Variants in ENOX1 observed in about 807,000 individuals in gnomAD.
The protein encoded by ENOX1 is candidate growth-related and time keeping constitutive hydroquinone (NADH) oxidase.
ENOX1 carries 42 observed loss-of-function variants against 82.5 expected under a neutral mutation model. That is an observed-to-expected ratio of 0.51 (90% CI 0.40 to 0.66). The LOEUF is 0.66. Ranked by LOEUF, ENOX1 falls within the 30% of genes least tolerant of loss-of-function variation. The pLI, the probability that ENOX1 is intolerant of heterozygous loss-of-function variation, is 0.00. For synonymous variants in ENOX1, 271 were observed against 282.2 expected, an observed-to-expected ratio of 0.96 and a Z score of 0.40; for missense variants, 608 against 811.6, an observed-to-expected ratio of 0.75 and a Z score of 3.05.
chr13:43,500,558 G>A (rs572230374), intron 2 of ENOX1, among the ~76,000 whole-genome samples: 30 of 152,004 alleles, frequency 2.0e-4, no homozygotes, highest in Non-Finnish European at 3.4e-4. Flanking sequence ...TGTCAACACT[G>A]GGTCCTCCTT....
In ENOX1 at chr13:43,786,879, G is replaced by C. The variant is rs557458537; in HGVS notation, c.-512C>G. The C allele has an allele frequency of 1.3e-5, 2 of 152,076 alleles. No homozygotes were observed. Among genetic ancestry groups the C allele is most frequent in the East Asian group, 4.0e-4 (2 of 5,048 alleles). The allele number at this position is 152,076 out of a possible 1,614,324, so 9.4% of individuals were successfully genotyped here. ...CCGTGGCGGCTGGAAGCCTGTGTGA[G>C]TAGCGGCGCCCGGGAGAGCGGGGAT... On this transcript the variant is annotated 5_prime_UTR_variant, in exon 1 of 17. Coordinates refer to ENST00000690772, the MANE Select transcript of ENOX1 (RefSeq NM_001347969.2). This position sits in a 1 kb window ranked among gnomAD's most constrained non-coding sequence, Gnocchi z 6.0.
chr13:43,729,611 AC>A (rs2089212936), intron 1 of ENOX1, among the ~76,000 whole-genome samples: 1 of 152,218 alleles, frequency 6.6e-6, no homozygotes, highest in African/African-American at 2.4e-5. Flanking sequence ...CCTTGGGTTA[AC>A]ATGTGCATTC....
rs146878912 is a variant in ENOX1 at position 43,736,422 on chromosome 13, T to G, written c.-285+50230A>C. Reference sequence around the variant, plus strand: ...AAAACTTTAATTTCTAGAATTATTATTACTGTGATGCCTTTAATTTGGCTC... The same window carrying G: ...AAAACTTTAATTTCTAGAATTATTAGTACTGTGATGCCTTTAATTTGGCTC... On this transcript the variant is annotated intron_variant, in intron 1 of 16. Transcript: ENST00000690772. Among the ~76,000 whole-genome samples, 3 of 152,322 alleles carry G rather than the reference T, an allele frequency of 2.0e-5. No individual in the cohort carries two copies. In the East Asian group the frequency reaches 5.8e-4, roughly 29 times the overall value.
intron 2 of ENOX1, among the ~76,000 whole-genome samples, chr13:43,631,987 C>T (rs1207425621): frequency 1.3e-5 from 2 of 152,198 alleles, no homozygotes; most frequent in African/African-American, 4.8e-5. Context: ...ATTCATCTGT[C>T]ACCCTACTTT....
intron 1 of ENOX1, among the ~76,000 whole-genome samples, chr13:43,707,136 T>G (rs954442052): frequency 6.6e-6 from 1 of 151,836 alleles, no homozygotes; most frequent in Non-Finnish European, 1.5e-5. Flanking sequence ...TAACTGAAAA[T>G]GAAATTTAAA....
At chr13:43,387,939 A>G (rs1447430500) in intron 5 of ENOX1, among the ~76,000 whole-genome samples, 1 of 152,174 alleles carries the variant, frequency 6.6e-6, no homozygotes, top group African/African-American at 2.4e-5. Flanking sequence ...AATGTTTGGA[A>G]GTACTTCAGA....
chr13:43,279,578 C>A (rs2045256466), intron 12 of ENOX1, among the ~76,000 whole-genome samples: 1 of 152,164 alleles, frequency 6.6e-6, no homozygotes, highest in East Asian at 1.9e-4. Flanking sequence ...TCTCAGGTTC[C>A]CGTTTTTCAC....
intron 1 of ENOX1, among the ~76,000 whole-genome samples, chr13:43,764,582 A>AAGATTATTT (rs1951164648): frequency 6.6e-6 from 1 of 152,182 alleles, no homozygotes; most frequent in South Asian, 2.1e-4. Context: ...TTAAAGAGCA[A>AAGATTATTT]CTTTAGAAGA....
At chr13:43,567,017 C>A (rs2079949495) in intron 2 of ENOX1, among the ~76,000 whole-genome samples, 1 of 152,082 alleles carries the variant, frequency 6.6e-6, no homozygotes, top group Non-Finnish European at 1.5e-5. Flanking sequence ...AGACAGCCAA[C>A]AGAAAATGTT....
chr13:43,270,215 G>A (rs1452435338), intron 12 of ENOX1, among the ~76,000 whole-genome samples: 1 of 152,170 alleles, frequency 6.6e-6, no homozygotes. Flanking sequence ...TGTAACTCAT[G>A]TGAAGGCTTT....
At chr13:43,785,666 CAG>C (rs1952532201) in intron 1 of ENOX1, among the ~76,000 whole-genome samples, 1 of 152,160 alleles carries the variant, frequency 6.6e-6, no homozygotes, top group East Asian at 1.9e-4. Flanking sequence ...CAGTGAGACG[CAG>C]AGATTCCACA....
intron 1 of ENOX1, among the ~76,000 whole-genome samples, chr13:43,671,123 T>C (rs1258188843): frequency 6.6e-6 from 1 of 152,184 alleles, no homozygotes; most frequent in Non-Finnish European, 1.5e-5. Flanking sequence ...CAGTTTTCCC[T>C]GCTCTTGCAT....
chr13:43,319,323 C>T (rs942752014), intron 11 of ENOX1, among the ~76,000 whole-genome samples: 4 of 152,072 alleles, frequency 2.6e-5, no homozygotes, highest in African/African-American at 9.7e-5. Context: ...AGAGTGAACA[C>T]CCCACCCAGA....
chr13:43,616,920 AAGT>A (rs1381243942), intron 2 of ENOX1, among the ~76,000 whole-genome samples: 39 of 32,304 alleles, frequency 1.2e-3, no homozygotes, highest in African/African-American at 2.8e-3. Context: ...AAGGTAAAAC[AAGT>A]AAACACACAC....
At chr13:43,310,715 AAAG>A (rs2047151956) in intron 11 of ENOX1, among the ~76,000 whole-genome samples, 1 of 152,156 alleles carries the variant, frequency 6.6e-6, no homozygotes, top group African/African-American at 2.4e-5. Context: ...GAAAGAAAGA[AAAG>A]AAAGAAAGAA....
At chr13:43,700,321 T>G (rs2086847327) in intron 1 of ENOX1, among the ~76,000 whole-genome samples, 1 of 152,262 alleles carries the variant, frequency 6.6e-6, no homozygotes, top group East Asian at 1.9e-4. Context: ...TTCTTGGGTT[T>G]TCGAGATTGT....
chr13:43,419,306 A>C (rs893956874), intron 3 of ENOX1, among the ~76,000 whole-genome samples: 40 of 152,118 alleles, frequency 2.6e-4, no homozygotes, highest in African/African-American at 9.4e-4. Context: ...CCACTTTGGG[A>C]GACCAAGGTG....
intron 2 of ENOX1, among the ~76,000 whole-genome samples, chr13:43,577,446 C>T (rs2080490403): frequency 6.6e-6 from 1 of 152,168 alleles, no homozygotes; most frequent in Admixed American, 6.5e-5. Flanking sequence ...TATTTTCAAA[C>T]TAGATAGCAG....
At chr13:43,246,384 G>A (rs532317010) in intron 14 of ENOX1, among the ~76,000 whole-genome samples, 2 of 152,344 alleles carry the variant, frequency 1.3e-5, no homozygotes, top group South Asian at 4.1e-4. Context: ...CCTGAGGGCT[G>A]CCTATAGTCC....
Sources: gnomAD v4.1 joint callset for allele counts (sites outside exome capture counted in the v4.1 genomes callset) on GRCh38, gnomAD v4.1.1 for gene constraint, Gnocchi (gnomAD v3.1) non-coding constraint, MANE v1.5 for transcripts, NCBI Gene and HGNC (gene_info 2026-07-23, HGNC 2026-07-21) for gene names.